The following PTK2 variants were observed in gnomAD, a reference collection of about 807,000 sequenced individuals.
The protein encoded by PTK2 is focal adhesion kinase 1.
Under a neutral mutation model 150.1 loss-of-function variants are expected in PTK2, and 45 were observed. That is an observed-to-expected ratio of 0.30 (90% CI 0.24 to 0.38). The LOEUF is 0.38. Ranked by LOEUF, PTK2 falls within the 10% of genes least tolerant of loss-of-function variation. The pLI, the probability that PTK2 is intolerant of heterozygous loss-of-function variation, is 1.00. For missense variants in PTK2, 919 were observed against 1,307.3 expected, an observed-to-expected ratio of 0.70 and a Z score of 4.58; for synonymous variants, 432 against 449.2, an observed-to-expected ratio of 0.96 and a Z score of 0.48.
At chr8:140,681,788 G>T (rs1316331063) in intron 27 of PTK2, among the ~76,000 whole-genome samples, 2 of 152,164 alleles carry the variant, frequency 1.3e-5, no homozygotes. Flanking sequence ...AAAAAAAGCA[G>T]TTGGTCCTAA....
chr8:140,846,593 T>C lies in PTK2; in HGVS notation c.530+6A>G, dbSNP rs201468737. 229 of 1,590,912 alleles carry C rather than the reference T, an allele frequency of 1.4e-4. 1 individual carries two copies. The African/African-American group carries it at 2.9e-3, about 20-fold the overall frequency. ...TAAAGGCCGCAATGTATAGTTATCA[T>C]CTTACCGTATTTCTAGACAACCCAA... On this transcript the variant is annotated splice_donor_region_variant and intron_variant, in intron 6 of 31. Transcript: ENST00000522684.
At chr8:140,868,842 T>C (rs968726515) in intron 4 of PTK2, among the ~76,000 whole-genome samples, 1 of 152,198 alleles carries the variant, frequency 6.6e-6, no homozygotes. Flanking sequence ...TAATGTGGTA[T>C]TCTGAATTGA....
chr8:140,934,725 G>C (rs1466027328), intron 1 of PTK2: 1 of 152,158 alleles, frequency 6.6e-6, no homozygotes, highest in Admixed American at 6.5e-5. Context: ...AACAAGTAGT[G>C]TTTATCAAGT....
chr8:140,875,636 A>G (rs1047629486), intron 4 of PTK2, among the ~76,000 whole-genome samples: 34 of 152,230 alleles, frequency 2.2e-4, no homozygotes, highest in Non-Finnish European at 4.1e-4. Context: ...AGCAAATCCC[A>G]TCAGCTCCCT....
intron 14 of PTK2, among the ~76,000 whole-genome samples, chr8:140,774,774 C>T (rs1279611568): frequency 2.6e-5 from 4 of 152,206 alleles, no homozygotes; most frequent in African/African-American, 7.2e-5. Context: ...GTCATCTTCA[C>T]TGCTTACTAT....
chr8:140,682,339 A>G (rs773476095), intron 27 of PTK2, among the ~76,000 whole-genome samples: 2 of 152,218 alleles, frequency 1.3e-5, no homozygotes, highest in Non-Finnish European at 2.9e-5. Context: ...ACTGTACTCC[A>G]GCTCTGGGTG....
intron 5 of PTK2, among the ~76,000 whole-genome samples, chr8:140,849,133 C>T (rs1277237737): frequency 1.3e-5 from 2 of 152,142 alleles, no homozygotes; most frequent in African/African-American, 4.8e-5. Context: ...TCTCGATTAT[C>T]AGAGCTGCAT....
intron 1 of PTK2, among the ~76,000 whole-genome samples, chr8:140,986,190 G>C (rs1356904529): frequency 6.6e-6 from 1 of 152,200 alleles, no homozygotes; most frequent in Non-Finnish European, 1.5e-5. Flanking sequence ...AATGGGACTA[G>C]TGTAACTGAG....
intron 22 of PTK2, among the ~76,000 whole-genome samples, chr8:140,725,588 GT>G (rs1554819663): frequency 1.3e-5 from 2 of 152,168 alleles, no homozygotes; most frequent in Non-Finnish European, 2.9e-5. Context: ...TAGCAAAAAG[GT>G]AATCGGAAAA....
At chr8:140,981,289 AGAAAT>A (rs1455804621) in intron 1 of PTK2, among the ~76,000 whole-genome samples, 1 of 152,114 alleles carries the variant, frequency 6.6e-6, no homozygotes, top group Non-Finnish European at 1.5e-5. Context: ...GGGCTTGAAA[AGAAAT>A]GAAACACTGA....
intron 14 of PTK2, among the ~76,000 whole-genome samples, chr8:140,784,923 C>T (rs758977950): frequency 1.1e-4 from 16 of 152,184 alleles, no homozygotes; most frequent in Non-Finnish European, 1.3e-4. Flanking sequence ...CCAATAACTA[C>T]CTTTATTTTG....
At chr8:140,732,641 C>T (rs748804689) in intron 22 of PTK2, 15 of 493,984 alleles carry the variant, frequency 3.0e-5, no homozygotes, top group East Asian at 6.2e-5. Context: ...GTGAGCTCCT[C>T]GAGGGCAGGA....
intron 4 of PTK2, 138 bp downstream of exon 4, chr8:140,879,333 C>T: frequency 8.1e-6 from 7 of 869,010 alleles, no homozygotes; most frequent in South Asian, 2.3e-5. Flanking sequence ...TTAATAATTA[C>T]TAACGAATTT....
At chr8:140,691,002 A>G (rs757193313) in intron 26 of PTK2, among the ~76,000 whole-genome samples, 2 of 152,224 alleles carry the variant, frequency 1.3e-5, no homozygotes, top group Admixed American at 1.3e-4. Flanking sequence ...AAATGAGTTA[A>G]TATTTGCAAA....
intron 5 of PTK2, among the ~76,000 whole-genome samples, chr8:140,862,638 G>C (rs935638453): frequency 6.6e-6 from 1 of 152,176 alleles, no homozygotes; most frequent in African/African-American, 2.4e-5. Context: ...CACAGCAGGA[G>C]GTGAGCTGTG....
In PTK2 at chr8:140,962,882, C is replaced by A. The variant is rs75184061; in HGVS notation, c.-121-37133G>T. Among the ~76,000 whole-genome samples, 1,424 of 151,940 alleles carry A rather than the reference C, an allele frequency of 9.4e-3. 11 individuals carry two copies. Among genetic ancestry groups the A allele is most frequent in the African/African-American group, 0.026 (1,065 of 41,434 alleles). On this transcript the variant is annotated intron_variant, in intron 1 of 31. Coordinates refer to ENST00000522684, the Ensembl canonical transcript of PTK2. The stretch of plus-strand genomic sequence containing the variant: ...TCCTGGCCCTTGTAGGTCCCCCCCC[C>A]CAACCCAACCTACCTAGGCTTCCTC...
intron 7 of PTK2, among the ~76,000 whole-genome samples, chr8:140,840,801 C>CAA (rs1456900901): frequency 1.3e-5 from 2 of 152,026 alleles, no homozygotes; most frequent in African/African-American, 2.4e-5. Context: ...CCTGTCAGTT[C>CAA]AAAGAAACAC....
intron 5 of PTK2, among the ~76,000 whole-genome samples, chr8:140,859,038 C>A (rs1251724294): frequency 6.6e-6 from 1 of 152,146 alleles, no homozygotes; most frequent in Non-Finnish European, 1.5e-5. Flanking sequence ...AACCGCTGAA[C>A]AAATTATTTT....
intron 22 of PTK2, among the ~76,000 whole-genome samples, chr8:140,727,373 G>C (rs2154345995): frequency 6.6e-6 from 1 of 151,312 alleles, no homozygotes; most frequent in Admixed American, 6.6e-5. Flanking sequence ...GGCCAAAACA[G>C]AACACAAACA....
Sources: gnomAD v4.1 joint callset for allele counts (sites outside exome capture counted in the v4.1 genomes callset) on GRCh38, gnomAD v4.1.1 for gene constraint, MANE v1.5 for transcripts, NCBI Gene and HGNC (gene_info 2026-07-23, HGNC 2026-07-21) for gene names.